Variants in USP37 observed in about 807,000 individuals in gnomAD.
USP37 encodes the protein ubiquitin carboxyl-terminal hydrolase 37.
Under a neutral mutation model 124.0 loss-of-function variants are expected in USP37, and 27 were observed. The observed-to-expected ratio is 0.22, with a 90% confidence interval of 0.16 to 0.30. USP37 has a LOEUF of 0.30. USP37 is among the 10% of genes least tolerant of loss of function. USP37 has a pLI of 1.00. For missense variants in USP37, 889 were observed against 1,140.4 expected, an observed-to-expected ratio of 0.78 and a Z score of 3.17; for synonymous variants, 365 against 388.0, an observed-to-expected ratio of 0.94 and a Z score of 0.70.
Position 218,498,170 on chromosome 2 carries a change from G to C in USP37, c.1026-13C>G, listed in dbSNP as rs751144272. On this transcript the variant is annotated splice_polypyrimidine_tract_variant and intron_variant, in intron 11 of 25. Transcript: ENST00000258399. ...CAAATTGGAGAAGCTGAAAATTAAAGAAATAGTGCTTTAGAAGGCAACAGG... is the reference window on the plus strand; with the variant it reads ...CAAATTGGAGAAGCTGAAAATTAAACAAATAGTGCTTTAGAAGGCAACAGG... 1 of 1,580,616 alleles carries C rather than the reference G, an allele frequency of 6.3e-7. No homozygotes were observed. Among genetic ancestry groups the C allele is most frequent in the Non-Finnish European group, 8.5e-7 (1 of 1,170,060 alleles).
At chr2:218,546,733 T>C (rs1445674792) in intron 7 of USP37, among the ~76,000 whole-genome samples, 186 bp downstream of exon 7, 1 of 152,222 alleles carries the variant, frequency 6.6e-6, no homozygotes, top group Admixed American at 6.5e-5. Flanking sequence ...TTTAAATTTA[T>C]ATGCTGTATA....
chr2:218,519,414 A>T (rs777253607), intron 10 of USP37, among the ~76,000 whole-genome samples: 22 of 152,122 alleles, frequency 1.4e-4, no homozygotes, highest in Non-Finnish European at 3.2e-4. Flanking sequence ...CCCAGAGGGA[A>T]CCCTTCAGTA....
At chr2:218,547,972 A>G (rs1692454382) in intron 6 of USP37, among the ~76,000 whole-genome samples, 1 of 152,232 alleles carries the variant, frequency 6.6e-6, no homozygotes, top group Non-Finnish European at 1.5e-5. Context: ...CGATTTTTCT[A>G]TAGAAGTTAT....
Position 218,546,927 on chromosome 2 carries a change from T to G in USP37, c.594A>C (p.Leu198=). The change falls in exon 7 of 26, where the codon CTA becomes CTC. Residue 198 remains leucine (L), a synonymous_variant. Transcript: ENST00000258399. ...STSTPLRSGL[L]ENRTEKRKRM... is the part of the protein sequence containing the mutation. ...AAAAAAGTCTCTCCTACCGATTTTC[T>G]AGCAACCCTGATCTAAGAGGTGTTG... 6.2e-7 allele frequency: 1 copy of G among 1,607,506 alleles called. No individual in the cohort carries two copies. Among genetic ancestry groups the G allele is most frequent in the Non-Finnish European group, 8.5e-7 (1 of 1,178,542 alleles).
intron 23 of USP37, 76 bp downstream of exon 23, chr2:218,459,714 G>A (rs1689903187): frequency 7.9e-7 from 1 of 1,270,788 alleles, no homozygotes; most frequent in Non-Finnish European, 1.1e-6. Context: ...GACACTGAAA[G>A]TGGGGCCTTT....
intron 18 of USP37, among the ~76,000 whole-genome samples, chr2:218,479,347 T>C (rs1691129265): frequency 6.6e-6 from 1 of 152,226 alleles, no homozygotes; most frequent in African/African-American, 2.4e-5. Flanking sequence ...CTAGACTCCC[T>C]TGTCCTCAGT....
At chr2:218,465,645 C>A (rs928629260) in intron 21 of USP37, among the ~76,000 whole-genome samples, 1 of 152,116 alleles carries the variant, frequency 6.6e-6, no homozygotes, top group Non-Finnish European at 1.5e-5. Flanking sequence ...GCAACCTCTG[C>A]CTCCTGGGTT....
intron 9 of USP37, among the ~76,000 whole-genome samples, chr2:218,531,122 T>C (rs1035927052): frequency 7.2e-5 from 11 of 152,204 alleles, no homozygotes; most frequent in Non-Finnish European, 1.3e-4. Flanking sequence ...GTAGCTGCAA[T>C]AGCTTTATAT....
chr2:218,464,161 C>G (rs1690184150), intron 21 of USP37, among the ~76,000 whole-genome samples: 4 of 151,532 alleles, frequency 2.6e-5, no homozygotes, highest in Non-Finnish European at 4.4e-5. Context: ...CCAGCCCATT[C>G]CAGTATTTTT....
intron 19 of USP37, 120 bp from the exon 20 acceptor site, chr2:218,475,005 A>T: frequency 9.7e-7 from 1 of 1,034,564 alleles, no homozygotes; most frequent in Non-Finnish European, 1.3e-6. Flanking sequence ...GCTTTGGGTT[A>T]TTTAACAATC....
chr2:218,476,441 G>A (rs989200519), intron 19 of USP37, among the ~76,000 whole-genome samples: 1 of 150,146 alleles, frequency 6.7e-6, no homozygotes, highest in Non-Finnish European at 1.5e-5. Flanking sequence ...CAGGCATGGT[G>A]GTACATGCCT....
intron 9 of USP37, among the ~76,000 whole-genome samples, chr2:218,530,856 T>A (rs1691283727): frequency 6.6e-6 from 1 of 152,190 alleles, no homozygotes; most frequent in Non-Finnish European, 1.5e-5. Flanking sequence ...CCAGCCACAA[T>A]GTTCTCTTAA....
At chr2:218,483,709 C>T (rs1054525621) in intron 16 of USP37, among the ~76,000 whole-genome samples, 4 of 151,980 alleles carry the variant, frequency 2.6e-5, no homozygotes, top group Admixed American at 2.0e-4. Flanking sequence ...GAAAAGACAT[C>T]CAGCATGTGA....
chr2:218,466,694 T>G (rs1690344811), intron 20 of USP37, among the ~76,000 whole-genome samples: 1 of 152,134 alleles, frequency 6.6e-6, no homozygotes, highest in Non-Finnish European at 1.5e-5. Flanking sequence ...GAAGTAAGAA[T>G]TAGGCCAAAA....
intron 10 of USP37, among the ~76,000 whole-genome samples, chr2:218,519,269 C>G (rs185219343): frequency 9.0e-4 from 137 of 152,214 alleles, no homozygotes; most frequent in African/African-American, 3.1e-3. Context: ...TCATTTAGTA[C>G]ATTTATTATG....
At chr2:218,480,797 C>A (rs1559174124) in intron 17 of USP37, among the ~76,000 whole-genome samples, 1 of 152,134 alleles carries the variant, frequency 6.6e-6, no homozygotes, top group Non-Finnish European at 1.5e-5. Flanking sequence ...AGTACTACTG[C>A]CAGCAAGAGT....
At chr2:218,467,627 G>A (rs774825888) in intron 20 of USP37, among the ~76,000 whole-genome samples, 6 of 151,844 alleles carry the variant, frequency 4.0e-5, no homozygotes, top group African/African-American at 7.3e-5. Flanking sequence ...GATTACAGGC[G>A]TGAGCCACCG....
chr2:218,504,224 C>G (rs1689551867), intron 11 of USP37, among the ~76,000 whole-genome samples: 2 of 152,164 alleles, frequency 1.3e-5, no homozygotes, highest in Admixed American at 1.3e-4. Context: ...TACTGGGTAT[C>G]AGGACTGCAG....
chr2:218,531,365 CACA>C (rs999783754), intron 9 of USP37, among the ~76,000 whole-genome samples: 1 of 152,216 alleles, frequency 6.6e-6, no homozygotes, highest in African/African-American at 2.4e-5. Flanking sequence ...CTCTTCTGTT[CACA>C]ACATGATTTA....
Sources: allele counts gnomAD v4.1 joint callset (sites outside exome capture counted in the v4.1 genomes callset), GRCh38; gene constraint gnomAD v4.1.1; transcripts MANE v1.5; gene names NCBI Gene and HGNC (gene_info 2026-07-23, HGNC 2026-07-21).